Variants in WDPCP observed in about 807,000 individuals in gnomAD.
WDPCP encodes WD repeat-containing and planar cell polarity effector protein fritz homolog.
Under a neutral mutation model 93.1 loss-of-function variants are expected in WDPCP, and 71 were observed. The ratio of observed to expected loss-of-function variants is 0.76; its 90% CI spans 0.63 to 0.93. The LOEUF (loss-of-function observed/expected upper bound fraction) is 0.93. Among genes scored for constraint, WDPCP ranks in the 40% least tolerant of loss-of-function variants. The pLI is 0.00. For missense variants in WDPCP, 844 were observed against 887.4 expected (o/e 0.95, Z 0.62); for synonymous variants, 315 against 315.0 (o/e 1.00, Z 0.00).
intron 2 of WDPCP, among the ~76,000 whole-genome samples, chr2:63,701,648 C>T (rs955460936): frequency 6.6e-6 from 1 of 152,108 alleles, no homozygotes; most frequent in African/African-American, 2.4e-5. Context: ...TATATATATA[C>T]AACAGGACAT....
At chr2:63,447,751 T>C (rs1431602982) in intron 6 of WDPCP, among the ~76,000 whole-genome samples, 1 of 152,114 alleles carries the variant, frequency 6.6e-6, no homozygotes, top group Non-Finnish European at 1.5e-5. Context: ...TAGATATAGA[T>C]CATTGACAGA....
At chr2:63,533,972 A>T (rs981144203) in intron 1 of WDPCP, among the ~76,000 whole-genome samples, 11 of 151,720 alleles carry the variant, frequency 7.3e-5, no homozygotes, top group African/African-American at 2.7e-4. Flanking sequence ...TAGCAAGACT[A>T]AAAAAGAAGA....
At chr2:63,253,686 G>A (rs775957038) in intron 14 of WDPCP, among the ~76,000 whole-genome samples, 4 of 152,090 alleles carry the variant, frequency 2.6e-5, no homozygotes, top group Non-Finnish European at 4.4e-5. Flanking sequence ...ACCACAATGA[G>A]ATACCATCTC....
chr2:63,376,393 A>C (rs1488310045), intron 12 of WDPCP, among the ~76,000 whole-genome samples: 1 of 151,968 alleles, frequency 6.6e-6, no homozygotes, highest in African/African-American at 2.4e-5. Flanking sequence ...AAAAATAATT[A>C]GAAAACCATT....
chr2:63,119,813 G>T lies in WDPCP; in HGVS notation c.*2193C>A, dbSNP rs1669457659. Among the ~76,000 whole-genome samples the T allele has an allele frequency of 6.6e-6, 1 of 152,106 alleles. No homozygotes were observed. Among genetic ancestry groups the T allele is most frequent in the Admixed American group, 6.5e-5 (1 of 15,274 alleles). ...ATCCTTTCAGGTTCTAGCAGAGGAG[G>T]AATATCAATTTAATTAATATTCTCA... On this transcript the variant is annotated 3_prime_UTR_variant, in exon 18 of 18. Coordinates refer to ENST00000272321, the MANE Select transcript of WDPCP (RefSeq NM_015910.7).
chr2:63,830,599 T>C (rs1246388086), upstream of WDPCP, among the ~76,000 whole-genome samples: 1 of 152,134 alleles, frequency 6.6e-6, no homozygotes, highest in Non-Finnish European at 1.5e-5. Flanking sequence ...CCTATCACTC[T>C]ACTGCTCTTA....
At chr2:63,606,190 G>A (rs1000315793) in intron 3 of WDPCP, among the ~76,000 whole-genome samples, 24 of 152,182 alleles carry the variant, frequency 1.6e-4, no homozygotes, top group Middle Eastern at 3.4e-3. Flanking sequence ...AAGACCAGCC[G>A]GGGCAACATA....
chr2:63,303,088 C>T (rs957923726), intron 13 of WDPCP, among the ~76,000 whole-genome samples: 1 of 152,184 alleles, frequency 6.6e-6, no homozygotes, highest in Non-Finnish European at 1.5e-5. Flanking sequence ...TGTATATGTC[C>T]GTGTGTTTCC....
chr2:63,688,197 C>G (rs183896298), intron 2 of WDPCP, among the ~76,000 whole-genome samples: 3 of 152,044 alleles, frequency 2.0e-5, no homozygotes, highest in Non-Finnish European at 4.4e-5. Context: ...GAGGCCGAGG[C>G]GGGCAGATCA....
chr2:63,507,253 A>G (rs1300047253), intron 1 of WDPCP, among the ~76,000 whole-genome samples: 1 of 152,080 alleles, frequency 6.6e-6, no homozygotes, highest in Non-Finnish European at 1.5e-5. Context: ...AAGTTTGCAG[A>G]GAAGGAAAAA....
intron 6 of WDPCP, among the ~76,000 whole-genome samples, chr2:63,444,001 T>C (rs1421511337): frequency 6.6e-6 from 1 of 152,082 alleles, no homozygotes; most frequent in East Asian, 1.9e-4. Flanking sequence ...TAGTACATAA[T>C]CAGAAATGTG....
At chr2:63,824,456 G>T (rs1188243615) in intron 1 of WDPCP, among the ~76,000 whole-genome samples, 2 of 144,292 alleles carry the variant, frequency 1.4e-5, no homozygotes, top group East Asian at 4.3e-4. Flanking sequence ...GCTGAAGTGG[G>T]AGATCTGCTT....
intron 6 of WDPCP, among the ~76,000 whole-genome samples, chr2:63,455,431 T>C (rs563128532): frequency 0.019 from 2,795 of 149,168 alleles, 96 homozygotes; most frequent in African/African-American, 0.065. Flanking sequence ...TATATATATA[T>C]ATATATATAC....
At chr2:63,366,275 T>G (rs1186667227) in intron 12 of WDPCP, among the ~76,000 whole-genome samples, 2 of 152,196 alleles carry the variant, frequency 1.3e-5, no homozygotes, top group Non-Finnish European at 2.9e-5. Context: ...CTAATAACAA[T>G]GATTTCTGTC....
intron 15 of WDPCP, among the ~76,000 whole-genome samples, chr2:63,169,919 T>TATC: frequency 6.6e-6 from 1 of 151,636 alleles, no homozygotes; most frequent in African/African-American, 2.4e-5. Context: ...TTTGAGACCC[T>TATC]ATCACTCTGC....
chr2:63,230,214 C>G (rs1574935157), intron 14 of WDPCP, among the ~76,000 whole-genome samples: 1 of 151,530 alleles, frequency 6.6e-6, no homozygotes, highest in Non-Finnish European at 1.5e-5. Context: ...TGATAGTTTG[C>G]TCAGAATGAT....
intron 2 of WDPCP, among the ~76,000 whole-genome samples, chr2:63,758,285 A>G (rs1669998579): frequency 6.6e-6 from 1 of 151,928 alleles, no homozygotes; most frequent in Non-Finnish European, 1.5e-5. Flanking sequence ...ACAAATAAGT[A>G]CTCCGTGGCA....
intron 1 of WDPCP, among the ~76,000 whole-genome samples, chr2:63,814,332 AAT>A (rs922285990): frequency 1.3e-5 from 2 of 152,176 alleles, no homozygotes; most frequent in African/African-American, 2.4e-5. Flanking sequence ...TCGAAAAAAA[AAT>A]ATGTCTTTCC....
chr2:63,156,737 CAAAA>C (rs773651990), intron 15 of WDPCP, among the ~76,000 whole-genome samples: 1 of 150,980 alleles, frequency 6.6e-6, no homozygotes, highest in Non-Finnish European at 1.5e-5. Context: ...GACTCTGTCT[CAAAA>C]AAAAGAAACA....
Sources: gnomAD v4.1 joint callset for allele counts (sites outside exome capture counted in the v4.1 genomes callset) on GRCh38, gnomAD v4.1.1 for gene constraint, MANE v1.5 for transcripts, NCBI Gene and HGNC (gene_info 2026-07-23, HGNC 2026-07-21) for gene names.